HMHB1: variants seen among roughly 807,000 people sequenced by gnomAD.
HMHB1 encodes histocompatibility minor HB-1.
HMHB1 carries 4 observed loss-of-function variants against 2.4 expected under a neutral mutation model. That is an observed-to-expected ratio of 1.65 (90% CI 0.81 to 3.77). The LOEUF (loss-of-function observed/expected upper bound fraction) is 3.77. Ranked by LOEUF, HMHB1 falls within the 30% of genes most tolerant of loss-of-function variation. The pLI is 0.01. For missense variants in HMHB1, 57 were observed against 44.2 expected, an observed-to-expected ratio of 1.29 and a Z score of -0.82; for synonymous variants, 22 against 17.6, an observed-to-expected ratio of 1.25 and a Z score of -0.63.
At chr5:143,814,662 C>G (rs936044731) in intron 1 of HMHB1, among the ~76,000 whole-genome samples, 1 of 152,158 alleles carries the variant, frequency 6.6e-6, no homozygotes, top group African/African-American at 2.4e-5. Context: ...AATCTTCAAT[C>G]GTCTCTAATT....
intron 1 of HMHB1, among the ~76,000 whole-genome samples, chr5:143,815,417 A>G (rs1374934197): frequency 6.6e-6 from 1 of 152,240 alleles, no homozygotes. Context: ...CTTTAAAGCT[A>G]ACAATGTTGC....
chr5:143,820,318 T>TTAAAA (rs1224094703), intron 1 of HMHB1, among the ~76,000 whole-genome samples, 162 bp from the exon 2 acceptor site: 4 of 47,578 alleles, frequency 8.4e-5, no homozygotes, highest in Admixed American at 2.9e-4. Context: ...TCATCATAAG[T>TTAAAA]AAAAAAAAAA....
chr5:143,813,986 G>A (rs571020358), intron 1 of HMHB1, among the ~76,000 whole-genome samples: 2 of 152,152 alleles, frequency 1.3e-5, no homozygotes, highest in East Asian at 3.9e-4. Flanking sequence ...TTATGATTTG[G>A]TCTTTGTAGC....
intron 1 of HMHB1, among the ~76,000 whole-genome samples, chr5:143,815,480 C>T (rs1759736377): frequency 6.6e-6 from 1 of 151,696 alleles, no homozygotes; most frequent in Non-Finnish European, 1.5e-5. Flanking sequence ...TCCTGTTTTG[C>T]TTCCCTCTTC....
intron 1 of HMHB1, among the ~76,000 whole-genome samples, chr5:143,818,854 A>T (rs1233030628): frequency 6.6e-6 from 1 of 152,056 alleles, no homozygotes; most frequent in Non-Finnish European, 1.5e-5. Context: ...CAATGGTTAG[A>T]CCTTCTGTTG....
Position 143,820,581 on chromosome 5 carries a change from G to C in HMHB1, c.*13G>C. ...TTATAGGCTTTGACACTGCTGTTGA[G>C]GTTTGACTCGAAGCCCAGAGTTTTG... is the stretch of plus-strand genomic sequence containing the variant. On this transcript the variant is annotated 3_prime_UTR_variant, in exon 2 of 2. Transcript: ENST00000289448. 1 of 1,570,460 alleles carries C rather than the reference G, an allele frequency of 6.4e-7. No individual in the cohort carries two copies. Among genetic ancestry groups the C allele is most frequent in the Non-Finnish European group, 8.8e-7 (1 of 1,140,990 alleles).
intron 1 of HMHB1, among the ~76,000 whole-genome samples, chr5:143,814,406 CT>C (rs1285327622): frequency 6.6e-6 from 1 of 152,148 alleles, no homozygotes; most frequent in Non-Finnish European, 1.5e-5. Context: ...CAATGTCTTT[CT>C]TTATTTGAGT....
chr5:143,812,192 C>G lies in HMHB1; in HGVS notation c.-76C>G. On this transcript the variant is annotated 5_prime_UTR_variant, in exon 1 of 2. Coordinates refer to ENST00000289448, the MANE Select transcript of HMHB1 (RefSeq NM_021182.3). ...CCCAGGAGGCCGAGGCGGCTTGCCC[C>G]GCATCTCAGAAGCCGGGCAGGCCCT... The G allele has an allele frequency of 7.1e-7, 1 of 1,406,206 alleles. No homozygotes were observed. The highest frequency in any genetic ancestry group is 9.8e-7 in the Non-Finnish European group (1 of 1,020,556). 87.1% of individuals were successfully genotyped at this position (1,406,206 alleles called of 1,614,324 possible). A position where few individuals can be genotyped will look rare whatever the true frequency, so the allele number is the denominator to read the frequency against.
At chr5:143,813,761 G>A (rs1016522) in intron 1 of HMHB1, among the ~76,000 whole-genome samples, 105,078 of 152,092 alleles carry the variant, frequency 0.69, 37,446 homozygotes, top group East Asian at 0.93. Flanking sequence ...TTTATCTCCA[G>A]ATTGTCATTT....
In HMHB1 at chr5:143,820,667, C is replaced by T. The variant is rs1274811733; in HGVS notation, c.*99C>T. On this transcript the variant is annotated 3_prime_UTR_variant, in exon 2 of 2. Transcript: ENST00000289448. ...GAAGAGTAAAATTAAGCAAGTGGAA[C>T]ATATGCCCTTTGCCTCTGCTCTGCA... The T allele has an allele frequency of 3.9e-6, 3 of 766,502 alleles. No individual in the cohort carries two copies. The highest frequency in any genetic ancestry group is 1.7e-5 in the African/African-American group (1 of 58,360). The allele number at this position is 766,502 out of a possible 1,614,324, so 47.5% of individuals were successfully genotyped here. A position where few individuals can be genotyped will look rare whatever the true frequency, so the allele number is the denominator to read the frequency against.
Position 143,819,879 on chromosome 5 carries a change from G to C in HMHB1, c.38-601G>C, listed in dbSNP as rs1238663989. On this transcript the variant is annotated intron_variant, in intron 1 of 1. Transcript: ENST00000289448. ...GGGCTTATGGAAAAACTGTTCTTAA[G>C]AGAATAATCTCATTTCACATAGGCT... 2.0e-5 allele frequency among the ~76,000 whole-genome samples: 3 copies of C among 152,116 alleles called. No homozygotes were observed. In the East Asian group the frequency reaches 5.8e-4, roughly 29 times the overall value.
rs1167344560 is a variant in HMHB1, at chr5:143,812,191, C to T, written c.-77C>T. On this transcript the variant is annotated 5_prime_UTR_variant, in exon 1 of 2. Transcript: ENST00000289448. ...TCCCAGGAGGCCGAGGCGGCTTGCC[C>T]CGCATCTCAGAAGCCGGGCAGGCCC... The T allele has an allele frequency of 6.3e-6, 9 of 1,419,480 alleles. No individual in the cohort carries two copies. The highest frequency in any genetic ancestry group is 6.8e-6 in the Non-Finnish European group (7 of 1,032,868). The allele number at this position is 1,419,480 out of a possible 1,614,324, so 87.9% of individuals were successfully genotyped here.
intron 1 of HMHB1, 105 bp from the exon 2 acceptor site, chr5:143,820,375 T>C: frequency 4.4e-6 from 1 of 225,478 alleles, no homozygotes; most frequent in Middle Eastern, 7.8e-4. Context: ...ACTAAAAAGC[T>C]AACACAAGTC....
intron 1 of HMHB1, among the ~76,000 whole-genome samples, chr5:143,816,275 G>T (rs1016285491): frequency 1.3e-4 from 20 of 152,150 alleles, no homozygotes; most frequent in Admixed American, 1.3e-3. Flanking sequence ...CTTTAGTGGT[G>T]ATTTCTGAGA....
intron 1 of HMHB1, among the ~76,000 whole-genome samples, chr5:143,814,061 A>G (rs1759722100): frequency 6.6e-6 from 1 of 152,212 alleles, no homozygotes. Flanking sequence ...GAAGATAAAA[A>G]TGTTCTATAT....
chr5:143,818,050 T>C (rs1305334010), intron 1 of HMHB1, among the ~76,000 whole-genome samples: 1 of 152,222 alleles, frequency 6.6e-6, no homozygotes, highest in Non-Finnish European at 1.5e-5. Context: ...GCTGGATTTT[T>C]ATCAGAAATT....
intron 1 of HMHB1, among the ~76,000 whole-genome samples, chr5:143,817,475 C>T (rs1029607823): frequency 3.3e-5 from 5 of 152,084 alleles, no homozygotes; most frequent in African/African-American, 4.8e-5. Context: ...CCTTTCCCCA[C>T]TTTATGTTTT....
At chr5:143,820,379 A>G in intron 1 of HMHB1, 101 bp from the exon 2 acceptor site, 1 of 518,928 alleles carries the variant, frequency 1.9e-6, no homozygotes, top group East Asian at 3.3e-5. Context: ...AAAAGCTAAC[A>G]CAAGTCCTCT....
chr5:143,812,452 C>A, intron 1 of HMHB1, 148 bp downstream of exon 1: 1 of 743,848 alleles, frequency 1.3e-6, no homozygotes, highest in Non-Finnish European at 2.3e-6. Context: ...AGGAGTGAGA[C>A]GGCCCTTGTT....
Sources: gnomAD v4.1 joint callset for allele counts (sites outside exome capture counted in the v4.1 genomes callset) on GRCh38, gnomAD v4.1.1 for gene constraint, MANE v1.5 for transcripts, NCBI Gene and HGNC (gene_info 2026-07-23, HGNC 2026-07-21) for gene names.